ALK: variants seen among roughly 807,000 people sequenced by gnomAD.
The protein encoded by ALK is ALK tyrosine kinase receptor.
Under a neutral mutation model 163.1 loss-of-function variants are expected in ALK, and 74 were observed. That is an observed-to-expected ratio of 0.45 (90% CI 0.38 to 0.55). ALK has a LOEUF of 0.55. ALK is among the 20% of genes least tolerant of loss of function. The pLI is 0.00. For missense variants in ALK, 2,063 were observed against 2,105.3 expected (o/e 0.98, Z 0.39); for synonymous variants, 960 against 843.2 (o/e 1.14, Z -2.40).
At chr2:29,464,324 G>T (rs1409887324) in intron 4 of ALK, among the ~76,000 whole-genome samples, 5 of 151,920 alleles carry the variant, frequency 3.3e-5, no homozygotes, top group African/African-American at 7.3e-5. Context: ...TAAAGCAGGG[G>T]GCCAAAAACC....
chr2:29,777,863 G>A (rs1275218457), intron 1 of ALK, among the ~76,000 whole-genome samples: 1 of 152,148 alleles, frequency 6.6e-6, no homozygotes, highest in Non-Finnish European at 1.5e-5. Flanking sequence ...GCTCACCCCA[G>A]AACGATCTCA....
intron 3 of ALK, among the ~76,000 whole-genome samples, chr2:29,602,264 C>T (rs1037059559): frequency 6.6e-6 from 1 of 152,066 alleles, no homozygotes; most frequent in South Asian, 2.1e-4. Context: ...AGGGAGGCCC[C>T]AGACATATTC....
intron 3 of ALK, among the ~76,000 whole-genome samples, chr2:29,639,930 G>C (rs1676651755): frequency 6.6e-6 from 1 of 152,214 alleles, no homozygotes; most frequent in African/African-American, 2.4e-5. Context: ...TGCCACCACA[G>C]TTCTAGGAAA....
chr2:29,834,568 A>G (rs1164370049), intron 1 of ALK, among the ~76,000 whole-genome samples: 1 of 152,334 alleles, frequency 6.6e-6, no homozygotes, highest in South Asian at 2.1e-4. Context: ...TATAATGCCA[A>G]TATAATAGAC....
intron 13 of ALK, among the ~76,000 whole-genome samples, chr2:29,235,403 T>C (rs1240085675): frequency 6.6e-6 from 1 of 152,112 alleles, no homozygotes; most frequent in Non-Finnish European, 1.5e-5. Flanking sequence ...ATAGCCGAGA[T>C]GCAGTTTGTT....
At chr2:29,319,993 C>A (rs1019243578) in intron 7 of ALK, among the ~76,000 whole-genome samples, 1 of 152,228 alleles carries the variant, frequency 6.6e-6, no homozygotes, top group East Asian at 1.9e-4. Context: ...AGGGCCTGCC[C>A]GGGTCCCACC....
chr2:29,825,022 C>T (rs1051579979), intron 1 of ALK, among the ~76,000 whole-genome samples: 2 of 152,188 alleles, frequency 1.3e-5, no homozygotes, highest in African/African-American at 4.8e-5. Flanking sequence ...CTGTGCTGTT[C>T]TCATGATAGT....
At chr2:29,216,811 C>T (rs1669624805) in intron 23 of ALK, among the ~76,000 whole-genome samples, 1 of 141,672 alleles carries the variant, frequency 7.1e-6, no homozygotes, top group Admixed American at 7.0e-5. Flanking sequence ...GTGTATGTGG[C>T]ATATATGTGT....
At chr2:29,529,086 C>G (rs1003770171) in intron 4 of ALK, among the ~76,000 whole-genome samples, 19 of 152,196 alleles carry the variant, frequency 1.2e-4, no homozygotes, top group African/African-American at 3.9e-4. Context: ...ACTGCCTTTC[C>G]CCTGCCTTCT....
chr2:29,320,791 C>G lies in ALK; in HGVS notation c.1506G>C (p.Gln502His). The G allele has an allele frequency of 6.2e-7, 1 of 1,614,096 alleles. No individual in the cohort carries two copies. Among genetic ancestry groups the G allele is most frequent in the Non-Finnish European group, 8.5e-7 (1 of 1,180,006 alleles). Residue 502 changes from glutamine (Q) to histidine (H), a missense_variant, in exon 7 of 29, where the codon CAG becomes CAC. This residue lies in a region of ALK where 987 missense variants were observed against 939.5 expected (regional missense o/e 1.05). Transcript: ENST00000389048. The part of the protein sequence containing the change: ...GTLSPHTPQW[Q>H]VRTLKDARFQ... ...ACCGGGCATCCTTTAGGGTCCTGAC[C>G]TGCCATTGAGGAGTGTGGGGTGACA... is the stretch of plus-strand genomic sequence containing the variant.
intron 1 of ALK, among the ~76,000 whole-genome samples, chr2:29,856,937 T>A (rs1461047445): frequency 1.3e-5 from 2 of 152,218 alleles, no homozygotes; most frequent in African/African-American, 2.4e-5. Context: ...CGTTCTCAGT[T>A]GTACCTTTTA....
At chr2:29,196,945 A>G in intron 27 of ALK, 85 bp from the exon 28 acceptor site, 1 of 1,188,874 alleles carries the variant, frequency 8.4e-7, no homozygotes, top group East Asian at 2.4e-5. Context: ...GTTGCAACGA[A>G]TACGTTGAGG....
At chr2:29,795,195 C>T (rs1664276963) in intron 1 of ALK, among the ~76,000 whole-genome samples, 1 of 152,110 alleles carries the variant, frequency 6.6e-6, no homozygotes, top group Non-Finnish European at 1.5e-5. Context: ...CACACACACA[C>T]ACACGCAAAG....
intron 1 of ALK, among the ~76,000 whole-genome samples, chr2:29,825,541 C>A (rs1665172788): frequency 6.6e-6 from 1 of 152,130 alleles, no homozygotes. Context: ...GCATGCAAGG[C>A]AGGGAATACT....
intron 1 of ALK, among the ~76,000 whole-genome samples, chr2:29,761,384 G>A (rs1361503367): frequency 6.6e-6 from 1 of 152,124 alleles, no homozygotes; most frequent in Non-Finnish European, 1.5e-5. Flanking sequence ...TGTGTTAAAT[G>A]GGAGCAATAG....
chr2:29,529,068 C>A (rs1234748543), intron 4 of ALK, among the ~76,000 whole-genome samples: 1 of 152,196 alleles, frequency 6.6e-6, no homozygotes, highest in African/African-American at 2.4e-5. Context: ...AGCTGCTGTG[C>A]TTCTCCAACT....
chr2:29,297,219 G>A lies in ALK; in HGVS notation c.1648-162C>T, dbSNP rs4666194. On this transcript the variant is annotated intron_variant, in intron 8 of 28. Coordinates refer to ENST00000389048, the MANE Select transcript of ALK (RefSeq NM_004304.5). ...CACCTGTCTCACCAAGAGGCTTTCA[G>A]TGAAGTTCAAGTATCCCATTTCCTA... Among the ~76,000 whole-genome samples, 137,638 of 152,254 alleles carry A rather than the reference G, an allele frequency of 0.9. 63,166 individuals carry two copies. The highest frequency in any genetic ancestry group is 0.98 in the Non-Finnish European group (66,867 of 68,026).
At chr2:29,220,668 T>G in intron 23 of ALK, 38 bp downstream of exon 23, 2 of 1,612,622 alleles carry the variant, frequency 1.2e-6, no homozygotes, top group Admixed American at 3.3e-5. Context: ...CTCCTGTCCT[T>G]GGCACAACAA....
At chr2:29,579,777 C>T (rs2148197063) in intron 3 of ALK, among the ~76,000 whole-genome samples, 1 of 152,268 alleles carries the variant, frequency 6.6e-6, no homozygotes, top group East Asian at 1.9e-4. Flanking sequence ...CAAAATACTT[C>T]AGTCTTGACG....
Sources: allele counts gnomAD v4.1 joint callset (sites outside exome capture counted in the v4.1 genomes callset), GRCh38; gene constraint gnomAD v4.1.1; regional missense constraint gnomAD v4.1.1; transcripts MANE v1.5; gene names NCBI Gene and HGNC (gene_info 2026-07-23, HGNC 2026-07-21).